Variants in DOCK9 observed in about 807,000 individuals in gnomAD.
DOCK9 encodes dedicator of cytokinesis protein 9.
In DOCK9, 89 loss-of-function variants were observed where a neutral mutation model predicts 263.3. The observed-to-expected ratio is 0.34, with a 90% CI of 0.28 to 0.40. The LOEUF (loss-of-function observed/expected upper bound fraction) is 0.40, where lower values mean the gene tolerates loss of function less well. DOCK9 is among the 10% of genes least tolerant of loss of function. DOCK9 has a pLI of 1.00. For synonymous variants in DOCK9, 976 were observed against 973.1 expected (o/e 1.00, Z -0.06); for missense variants, 2,140 against 2,603.4 (o/e 0.82, Z 3.87).
rs576337709 is a variant in DOCK9, at chr13:98,904,570, C to T, written c.1035+62G>A. On this transcript the variant is annotated intron_variant, in intron 10 of 52. Coordinates refer to ENST00000682017, the MANE Select transcript of DOCK9 (RefSeq NM_001366683.2). ...CAAAGCAAACAAATAAACAAATAAG[C>T]CCATCGATGATTTTCTCTCCCACAT... 6 of 1,195,698 alleles carry T rather than the reference C, an allele frequency of 5.0e-6. No individual in the cohort carries two copies. The South Asian group carries it at 5.7e-5, about 11-fold the overall frequency. The allele number at this position is 1,195,698 out of a possible 1,614,324, so 74.1% of individuals were successfully genotyped here. A position where few individuals can be genotyped will look rare whatever the true frequency, so the allele number is the denominator to read the frequency against.
At chr13:99,010,373 T>C (rs1323563845) in intron 1 of DOCK9, among the ~76,000 whole-genome samples, 1 of 152,230 alleles carries the variant, frequency 6.6e-6, no homozygotes, top group South Asian at 2.1e-4. Flanking sequence ...AAAAATTGAA[T>C]TGACAATGTG....
In DOCK9 at chr13:98,829,616, G is replaced by A. The variant is rs1263115647; in HGVS notation, c.4749+27C>T. ...AGGTGCTGATGCAGAGTCTCAGGGT[G>A]AAACTAACATGGGCCAGGCTACCCA... On this transcript the variant is annotated intron_variant, in intron 42 of 52. Transcript: ENST00000682017. The surrounding 1 kb of genome is among the most constrained non-coding windows in gnomAD (Gnocchi z 4.1). 6.3e-7 allele frequency: 1 copy of A among 1,587,858 alleles called. No individual in the cohort carries two copies. Among genetic ancestry groups the A allele is most frequent in the Admixed American group, 1.8e-5 (1 of 55,938 alleles).
intron 1 of DOCK9, among the ~76,000 whole-genome samples, chr13:99,005,182 G>T (rs1240140457): frequency 6.6e-6 from 1 of 152,064 alleles, no homozygotes; most frequent in Non-Finnish European, 1.5e-5. Context: ...AGACAAGCTT[G>T]ATCTATTTTA....
intron 2 of DOCK9, among the ~76,000 whole-genome samples, chr13:98,930,899 C>T (rs1168305509): frequency 1.3e-5 from 2 of 152,238 alleles, no homozygotes; most frequent in African/African-American, 2.4e-5. Flanking sequence ...CCGCCTCGGC[C>T]TCCCAAAGTG....
intron 1 of DOCK9, among the ~76,000 whole-genome samples, chr13:99,026,020 C>T (rs1345103745): frequency 2.7e-5 from 1 of 37,502 alleles, no homozygotes; most frequent in African/African-American, 9.0e-5. Flanking sequence ...TAACAGTTCC[C>T]TAGGGCGCCA....
At chr13:99,060,229 G>A (rs766663112) in intron 1 of DOCK9, among the ~76,000 whole-genome samples, 120 of 151,440 alleles carry the variant, frequency 7.9e-4, no homozygotes, top group Admixed American at 1.5e-3. Context: ...ACCCGTCACC[G>A]CACCCAGCTA....
chr13:98,909,788 G>T (rs2049716612), intron 9 of DOCK9, among the ~76,000 whole-genome samples: 1 of 152,134 alleles, frequency 6.6e-6, no homozygotes, highest in South Asian at 2.1e-4. Context: ...ATTAAGAAAA[G>T]GTGTCCGTGA....
intron 3 of DOCK9, among the ~76,000 whole-genome samples, chr13:98,927,384 T>C (rs2053143854): frequency 6.6e-6 from 1 of 152,194 alleles, no homozygotes; most frequent in Admixed American, 6.5e-5. Context: ...CTGGCACAGC[T>C]AAGTAGTCAG....
intron 36 of DOCK9, among the ~76,000 whole-genome samples, chr13:98,848,869 G>C (rs1594647301): frequency 6.6e-6 from 1 of 152,072 alleles, no homozygotes; most frequent in Non-Finnish European, 1.5e-5. Flanking sequence ...CTGTCAGTGT[G>C]GTGGTGGCTG....
intron 17 of DOCK9, 62 bp from the exon 18 acceptor site, chr13:98,888,285 T>G (rs374209706): frequency 4.5e-5 from 72 of 1,602,676 alleles, no homozygotes; most frequent in Middle Eastern, 1.7e-4. Context: ...TGTAAGTATT[T>G]ATAAAAGAAC....
chr13:99,021,638 CAA>C lies in DOCK9; in HGVS notation c.129+64583_129+64584del, dbSNP rs61660903. On this transcript the variant is annotated intron_variant, in intron 1 of 32. Transcript: ENST00000427887. ...TGGGTGACAGAGTGAGACTCTGTCT[CAA>C]AAAAAAAAAAAAAAAAAAGAGGGAA... Among the ~76,000 whole-genome samples, 770 of 101,478 alleles carry C rather than the reference CAA, an allele frequency of 7.6e-3. 6 individuals are homozygous for C. The highest frequency in any genetic ancestry group is 0.033 in the Admixed American group (310 of 9,298). The allele number at this position is 101,478 out of a possible 152,430, so 66.6% of individuals were successfully genotyped here. A position where few individuals can be genotyped will look rare whatever the true frequency, so the allele number is the denominator to read the frequency against.
Position 98,995,067 on chromosome 13 carries a change from G to T in DOCK9, c.130-39516C>A, listed in dbSNP as rs551783627. Among the ~76,000 whole-genome samples, 10 of 152,310 alleles carry T rather than the reference G, an allele frequency of 6.6e-5. No homozygotes were observed. In the South Asian group the frequency reaches 1.9e-3, roughly 28 times the overall value. ...CATGGGAAAAAAATCAAAAGGATGT[G>T]AATTGTGCTGTTAGAAGTGTATCTG... On this transcript the variant is annotated intron_variant, in intron 1 of 32. Coordinates refer to the DOCK9 transcript ENST00000427887.
intron 9 of DOCK9, among the ~76,000 whole-genome samples, chr13:98,908,300 T>C (rs2049425857): frequency 6.6e-6 from 1 of 152,176 alleles, no homozygotes. Context: ...GTTATAGCCT[T>C]TTGGGACGGT....
chr13:98,899,409 T>C (rs996695584), intron 13 of DOCK9, among the ~76,000 whole-genome samples: 5 of 152,198 alleles, frequency 3.3e-5, no homozygotes, highest in African/African-American at 1.2e-4. Context: ...GCTATACTTT[T>C]CATGATCCCT....
intron 1 of DOCK9, among the ~76,000 whole-genome samples, chr13:99,050,946 C>G (rs2040664009): frequency 6.6e-6 from 1 of 152,190 alleles, no homozygotes; most frequent in Non-Finnish European, 1.5e-5. Flanking sequence ...GGACGTAAGG[C>G]CAAGCACAAG....
intron 1 of DOCK9, among the ~76,000 whole-genome samples, chr13:98,997,554 T>A (rs1881336276): frequency 1.3e-5 from 2 of 152,208 alleles, no homozygotes; most frequent in Admixed American, 6.5e-5. Context: ...CGATGTGAAA[T>A]GAGGTTTGTC....
intron 50 of DOCK9, among the ~76,000 whole-genome samples, chr13:98,799,620 A>G (rs1031237850): frequency 6.6e-6 from 1 of 152,226 alleles, no homozygotes; most frequent in Non-Finnish European, 1.5e-5. Context: ...GATCTTTTCA[A>G]TAAATTGTGT....
At chr13:99,070,209 G>A (rs1252384327) in intron 1 of DOCK9, among the ~76,000 whole-genome samples, 1 of 152,158 alleles carries the variant, frequency 6.6e-6, no homozygotes, top group Non-Finnish European at 1.5e-5. Flanking sequence ...CAAGCACTAA[G>A]ATATACAAGT....
rs1566486852 is a variant in DOCK9, at chr13:98,794,737, CA to C, written c.6167del (p.Leu2056ArgfsTer30). On this transcript the variant is annotated frameshift_variant, in exon 53 of 53. Transcript: ENST00000682017. LOFTEE classifies it high-confidence loss of function. ...SEIMHEQICPLEEKTSVLPNS... is the reference protein window; with the variant it reads ...SEIMHEQICPXEEKTSVLPNS... ...TCGGTAAGACGCTCGTCTTCTCCTC[CA>C]GGGGGCAGATCTTGAGGACAGAAAC... 1 of 1,613,932 alleles carries C rather than the reference CA, an allele frequency of 6.2e-7. No homozygotes were observed. Among genetic ancestry groups the C allele is most frequent in the Non-Finnish European group, 8.5e-7 (1 of 1,179,858 alleles).
Sources: gnomAD v4.1 joint callset for allele counts (sites outside exome capture counted in the v4.1 genomes callset) on GRCh38, gnomAD v4.1.1 for gene constraint, Gnocchi (gnomAD v3.1) non-coding constraint, MANE v1.5 for transcripts, NCBI Gene and HGNC (gene_info 2026-07-23, HGNC 2026-07-21) for gene names.